DENND2B: variants seen among roughly 807,000 people sequenced by gnomAD.
The protein encoded by DENND2B is DENN domain-containing protein 2B.
Under a neutral mutation model 116.0 loss-of-function variants are expected in DENND2B, and 32 were observed. The ratio of observed to expected loss-of-function variants is 0.28; its 90% confidence interval spans 0.21 to 0.37. The LOEUF (loss-of-function observed/expected upper bound fraction) is 0.37, where lower values mean the gene tolerates loss of function less well. Ranked by LOEUF, DENND2B falls within the 10% of genes least tolerant of loss-of-function variation. DENND2B has a pLI of 1.00. For missense variants in DENND2B, 1,276 were observed against 1,477.7 expected, an observed-to-expected ratio of 0.86 and a Z score of 2.24; for synonymous variants, 588 against 583.9, an observed-to-expected ratio of 1.01 and a Z score of -0.10.
At position 8,712,446 on chromosome 11, in the gene DENND2B, G is replaced by A. The variant is rs1179845250; in HGVS notation, c.2172+105C>T. ...AGGTTCAGGGCTGTGGCAGCTCGGT[G>A]AGGACGTATGACGAACAAGATCTCT... On this transcript the variant is annotated intron_variant, in intron 9 of 19. Coordinates refer to ENST00000313726, the MANE Select transcript of DENND2B (RefSeq NM_213618.2). This position sits in a 1 kb window ranked among gnomAD's most constrained non-coding sequence, Gnocchi z 4.4. 7 of 1,291,938 alleles carry A rather than the reference G, an allele frequency of 5.4e-6. No individual in the cohort carries two copies. The highest frequency in any genetic ancestry group is 7.4e-6 in the Non-Finnish European group (7 of 951,688). The allele number at this position is 1,291,938 out of a possible 1,614,324, so 80.0% of individuals were successfully genotyped here. A position where few individuals can be genotyped will look rare whatever the true frequency, so the allele number is the denominator to read the frequency against.
Position 8,712,447 on chromosome 11 carries a change from A to C in DENND2B, c.2172+104T>G. ...GGTTCAGGGCTGTGGCAGCTCGGTG[A>C]GGACGTATGACGAACAAGATCTCTC... On this transcript the variant is annotated intron_variant, in intron 9 of 19. Transcript: ENST00000313726. The surrounding 1 kb of genome is among the most constrained non-coding windows in gnomAD (Gnocchi z 4.4). 1 of 1,292,624 alleles carries C rather than the reference A, an allele frequency of 7.7e-7. No individual in the cohort carries two copies. Among genetic ancestry groups the C allele is most frequent in the South Asian group, 1.5e-5 (1 of 65,742 alleles). 80.1% of individuals were successfully genotyped at this position (1,292,624 alleles called of 1,614,324 possible).
At chr11:8,841,753 C>T (rs1002533586) in intron 3 of DENND2B, among the ~76,000 whole-genome samples, 1 of 152,174 alleles carries the variant, frequency 6.6e-6, no homozygotes, top group East Asian at 1.9e-4. Flanking sequence ...CCACTTCTTC[C>T]GAACCACCAC....
At chr11:8,783,046 C>CTTTTT (rs35035048) in intron 1 of DENND2B, among the ~76,000 whole-genome samples, 15 of 118,988 alleles carry the variant, frequency 1.3e-4, no homozygotes, top group Admixed American at 1.9e-4. Context: ...CACCACTTAC[C>CTTTTT]TTTTTTTTTT....
chr11:8,880,860 C>T (rs1421849664), intron 2 of DENND2B: 1 of 152,230 alleles, frequency 6.6e-6, no homozygotes, highest in African/African-American at 2.4e-5. Flanking sequence ...CAACTACTCA[C>T]TCTCAGGAGG....
Position 8,717,751 on chromosome 11 carries a change from G to A in DENND2B, c.1619C>T (p.Pro540Leu). Residue 540 changes from proline (P) to leucine (L), a missense_variant, in exon 5 of 20, where the codon CCG becomes CTG. This residue lies in a region of DENND2B where 856 missense variants were observed against 846.6 expected (regional missense o/e 1.01). Coordinates refer to ENST00000313726, the MANE Select transcript of DENND2B (RefSeq NM_213618.2). ...TCAGGGCTGAGTTACCTGTGTGGGC[G>A]GGCTGTTGTACTTCCTGTCCTGAGG... Reference protein sequence around the residue: ...WSPQDRKYNSPPTQLSLKPNS... With the variant: ...WSPQDRKYNSLPTQLSLKPNS... 1 of 1,566,582 alleles carries A rather than the reference G, an allele frequency of 6.4e-7. No individual in the cohort carries two copies. Among genetic ancestry groups the A allele is most frequent in the Non-Finnish European group, 8.7e-7 (1 of 1,150,634 alleles).
intron 1 of DENND2B, among the ~76,000 whole-genome samples, chr11:8,884,304 C>T (rs973446973): frequency 2.0e-5 from 3 of 150,416 alleles, no homozygotes; most frequent in East Asian, 1.9e-4. Flanking sequence ...AAATCCTCTT[C>T]GGACTTCCTT....
chr11:8,796,132 C>T (rs559715892), intron 1 of DENND2B, among the ~76,000 whole-genome samples: 1 of 152,318 alleles, frequency 6.6e-6, no homozygotes, highest in South Asian at 2.1e-4. Context: ...ATTGGGCTGA[C>T]CACAGATCTC....
intron 1 of DENND2B, among the ~76,000 whole-genome samples, chr11:8,903,210 C>G (rs2064191140): frequency 6.6e-6 from 1 of 151,934 alleles, no homozygotes; most frequent in Non-Finnish European, 1.5e-5. Context: ...GACAGAGTTT[C>G]ACTCCAGCAT....
rs1203643116 is a variant in DENND2B at position 8,730,783 on chromosome 11, T to C, written c.507A>G (p.Ser169=). The C allele has an allele frequency of 6.2e-7, 1 of 1,612,894 alleles. No individual in the cohort carries two copies. The highest frequency in any genetic ancestry group is 1.7e-5 in the Admixed American group (1 of 60,008). Residue 169 remains serine, a synonymous_variant, in exon 3 of 20, where the codon TCA becomes TCG. Coordinates refer to ENST00000313726, the MANE Select transcript of DENND2B (RefSeq NM_213618.2). This position sits in a 1 kb window ranked among gnomAD's most constrained non-coding sequence, Gnocchi z 4.1. The part of the protein sequence containing the change: ...AHSLGIREKI[S]AWEGRREASP... The stretch of plus-strand genomic sequence containing the variant: ...ACGCCTCTCGGCGACCTTCCCATGC[T>C]GATATCTTCTCCCGGATGCCCAGGC...
At chr11:8,769,037 T>G (rs1273342625) in intron 1 of DENND2B, among the ~76,000 whole-genome samples, 1 of 152,056 alleles carries the variant, frequency 6.6e-6, no homozygotes, top group East Asian at 1.9e-4. Context: ...GTAATGTGGC[T>G]TAGAAGGGCC....
chr11:8,719,213 A>G, intron 4 of DENND2B: 4 of 985,470 alleles, frequency 4.1e-6, no homozygotes, highest in South Asian at 4.7e-5. Flanking sequence ...ACGGGAGAAG[A>G]GCCAATCCCT....
At chr11:8,720,852 T>C (rs990273058) in intron 4 of DENND2B, among the ~76,000 whole-genome samples, 5 of 152,078 alleles carry the variant, frequency 3.3e-5, no homozygotes, top group Admixed American at 6.5e-5. Flanking sequence ...GAGGAGACGG[T>C]AGGCTGGGAA....
In DENND2B at chr11:8,701,667, G is replaced by A. The variant is rs1592377468; in HGVS notation, c.2720+905C>T. ...TGCACTCATCGGAGCCGTATCACTT[G>A]TGCCTTGCCTGTGTCACCCCCTAAC... is the stretch of plus-strand genomic sequence containing the variant. On this transcript the variant is annotated intron_variant, in intron 14 of 19. Coordinates refer to ENST00000313726, the MANE Select transcript of DENND2B (RefSeq NM_213618.2). Among the ~76,000 whole-genome samples, 3 of 152,130 alleles carry A rather than the reference G, an allele frequency of 2.0e-5. No individual in the cohort carries two copies. The South Asian group carries it at 6.3e-4, about 32-fold the overall frequency.
Position 8,696,511 on chromosome 11 carries a change from G to A in DENND2B, c.3208C>T (p.Arg1070Cys), listed in dbSNP as rs375990683. The change falls in exon 18 of 20, where the codon CGC becomes TGC. Residue 1070 changes from arginine to cysteine, a missense_variant. Physicochemically the swap from Arg to Cys is radical, Grantham distance 180. This residue lies in a region of DENND2B where 420 missense variants were observed against 631.1 expected (regional missense o/e 0.67). Coordinates refer to ENST00000313726, the MANE Select transcript of DENND2B (RefSeq NM_213618.2). ...TCCATAAAAACCTCAAGAAAGCGGC[G>A]GATGCTTTTGGAGGCCACAGATTTG... ...FRKSVASKSI[R>C]RFLEVFMESQ... 40 of 1,614,174 alleles carry A rather than the reference G, an allele frequency of 2.5e-5. 1 individual carries two copies. The highest frequency in any genetic ancestry group is 5.0e-5 in the Admixed American group (3 of 60,016).
At chr11:8,890,723 A>C (rs2064021068) in intron 1 of DENND2B, among the ~76,000 whole-genome samples, 1 of 152,244 alleles carries the variant, frequency 6.6e-6, no homozygotes, top group Admixed American at 6.5e-5. Flanking sequence ...CAAAGCCTTC[A>C]AGAAATATAA....
At chr11:8,815,232 T>TA (rs1034776662), upstream of DENND2B, among the ~76,000 whole-genome samples, 12 of 146,922 alleles carry the variant, frequency 8.2e-5, no homozygotes, top group East Asian at 5.9e-4. Context: ...ACATTTTTAC[T>TA]AAAAAAAAAA....
intron 2 of DENND2B, among the ~76,000 whole-genome samples, chr11:8,736,084 G>A (rs2133958782): frequency 6.6e-6 from 1 of 152,326 alleles, no homozygotes; most frequent in South Asian, 2.1e-4. Flanking sequence ...CTTCTTCATG[G>A]TTCCTAGGCC....
intron 1 of DENND2B, among the ~76,000 whole-genome samples, chr11:8,891,491 G>A (rs1329046931): frequency 6.6e-6 from 1 of 152,124 alleles, no homozygotes; most frequent in Non-Finnish European, 1.5e-5. Flanking sequence ...GTATTCAGGA[G>A]ACCCATCTCA....
At chr11:8,878,421 G>A (rs964265272) in intron 2 of DENND2B, among the ~76,000 whole-genome samples, 11 of 149,006 alleles carry the variant, frequency 7.4e-5, no homozygotes, top group South Asian at 2.1e-4. Context: ...ACAGAGTCTC[G>A]CTCAGTCGTC....
Sources: allele counts gnomAD v4.1 joint callset (sites outside exome capture counted in the v4.1 genomes callset), GRCh38; gene constraint gnomAD v4.1.1; regional missense constraint gnomAD v4.1.1; non-coding constraint Gnocchi (gnomAD v3.1); transcripts MANE v1.5; gene names NCBI Gene and HGNC (gene_info 2026-07-23, HGNC 2026-07-21).